Variants in ADAM18 observed in about 807,000 individuals in gnomAD.
ADAM18 encodes the protein disintegrin and metalloproteinase domain-containing protein 18.
In ADAM18, 117 loss-of-function variants were observed where a neutral mutation model predicts 94.4. That is an observed-to-expected ratio of 1.24 (90% CI 1.07 to 1.45). ADAM18 has a LOEUF of 1.45. ADAM18 is among the 40% of genes most tolerant of loss of function. The pLI is 0.00. For synonymous variants in ADAM18, 327 were observed against 291.6 expected, an observed-to-expected ratio of 1.12 and a Z score of -1.24; for missense variants, 936 against 880.0, an observed-to-expected ratio of 1.06 and a Z score of -0.81.
At chr8:39,689,496 A>T (rs1821708240) in intron 16 of ADAM18, among the ~76,000 whole-genome samples, 1 of 151,908 alleles carries the variant, frequency 6.6e-6, no homozygotes, top group Non-Finnish European at 1.5e-5. Flanking sequence ...CAAAGATTAG[A>T]TTGTAGTAAA....
intron 14 of ADAM18, among the ~76,000 whole-genome samples, chr8:39,673,019 C>T (rs1214844976): frequency 6.6e-6 from 1 of 152,048 alleles, no homozygotes; most frequent in Non-Finnish European, 1.5e-5. Context: ...TGTGCAATTC[C>T]CTCAGTGGGG....
chr8:39,704,186 AC>A (rs1386152680), intron 17 of ADAM18, among the ~76,000 whole-genome samples: 1 of 152,074 alleles, frequency 6.6e-6, no homozygotes, highest in African/African-American at 2.4e-5. Context: ...TTGGAAAGGA[AC>A]CCCTCCCTAA....
intron 2 of ADAM18, among the ~76,000 whole-genome samples, chr8:39,596,914 A>G (rs1818757684): frequency 1.3e-5 from 2 of 152,168 alleles, no homozygotes; most frequent in African/African-American, 4.8e-5. Context: ...ATTCCTTAAT[A>G]ATGTATAAGG....
intron 2 of ADAM18, among the ~76,000 whole-genome samples, chr8:39,598,197 C>T (rs1426957448): frequency 6.6e-6 from 1 of 151,962 alleles, no homozygotes; most frequent in Non-Finnish European, 1.5e-5. Flanking sequence ...TCTACATAGA[C>T]AATCTTTTCA....
intron 14 of ADAM18, among the ~76,000 whole-genome samples, chr8:39,668,896 A>G (rs886107148): frequency 1.3e-5 from 2 of 152,140 alleles, no homozygotes; most frequent in Non-Finnish European, 2.9e-5. Flanking sequence ...GTACCAAATT[A>G]CATTGTATAT....
At chr8:39,668,256 T>C (rs992912730) in intron 14 of ADAM18, 60 bp downstream of exon 14, 1 of 1,493,862 alleles carries the variant, frequency 6.7e-7, no homozygotes, top group South Asian at 1.1e-5. Flanking sequence ...GTAGAGTACA[T>C]TATGTACCAC....
At chr8:39,666,537 G>A (rs1463492013) in intron 13 of ADAM18, among the ~76,000 whole-genome samples, 1 of 152,048 alleles carries the variant, frequency 6.6e-6, no homozygotes. Context: ...GCTGATAAAG[G>A]CACACCTGAG....
At chr8:39,727,366 A>G (rs1161539005) in intron 19 of ADAM18, among the ~76,000 whole-genome samples, 1 of 152,200 alleles carries the variant, frequency 6.6e-6, no homozygotes, top group Non-Finnish European at 1.5e-5. Context: ...AAATTTTTCA[A>G]ACTGTTATGC....
Position 39,680,220 on chromosome 8 carries a change from A to G in ADAM18, c.1815A>G (p.Pro605=). 1 of 1,608,340 alleles carries G rather than the reference A, an allele frequency of 6.2e-7. No individual in the cohort carries two copies. Among genetic ancestry groups the G allele is most frequent in the Non-Finnish European group, 8.5e-7 (1 of 1,178,254 alleles). Residue 605 remains proline (P), a synonymous_variant, in exon 16 of 20, where the codon CCA becomes CCG. Transcript: ENST00000265707. ...TGGCTGATGGCACCATGTGTGGTCC[A>G]GAAATGGTAACAAAATGTGATAATT... The part of the protein sequence containing the change: ...AYVADGTMCG[P]EMYCVNKTCR...
At chr8:39,638,249 G>A (rs1258901884) in intron 9 of ADAM18, among the ~76,000 whole-genome samples, 1 of 142,392 alleles carries the variant, frequency 7.0e-6, no homozygotes, top group East Asian at 2.0e-4. Flanking sequence ...AATTACATTG[G>A]TATTAAAGTG....
At chr8:39,623,608 T>C (rs1439495818) in intron 6 of ADAM18, among the ~76,000 whole-genome samples, 1 of 152,194 alleles carries the variant, frequency 6.6e-6, no homozygotes, top group Non-Finnish European at 1.5e-5. Flanking sequence ...GTTTTTGTTT[T>C]TGTTTTGAGA....
At chr8:39,647,135 C>A (rs905813038) in intron 11 of ADAM18, among the ~76,000 whole-genome samples, 3 of 151,208 alleles carry the variant, frequency 2.0e-5, no homozygotes, top group African/African-American at 7.3e-5. Context: ...GCACCGGCAC[C>A]GGTCTCTGAG....
At chr8:39,724,072 T>C (rs1463543551) in intron 19 of ADAM18, 165 bp downstream of exon 19, 2 of 522,956 alleles carry the variant, frequency 3.8e-6, no homozygotes, top group Non-Finnish European at 5.9e-6. Context: ...TGTTATTATA[T>C]TGGGGCAAGC....
At chr8:39,668,560 G>C (rs1821058944) in intron 14 of ADAM18, among the ~76,000 whole-genome samples, 2 of 152,088 alleles carry the variant, frequency 1.3e-5, no homozygotes, top group Non-Finnish European at 1.5e-5. Flanking sequence ...AAGGCTCAGA[G>C]TGAATTTCAT....
intron 12 of ADAM18, among the ~76,000 whole-genome samples, chr8:39,661,953 A>ATG (rs1183883451): frequency 2.7e-5 from 4 of 150,064 alleles, no homozygotes; most frequent in African/African-American, 4.9e-5. Context: ...TTATATATAT[A>ATG]TAAAGGCAAC....
intron 2 of ADAM18, among the ~76,000 whole-genome samples, chr8:39,586,785 T>TATCTATC (rs1563263500): frequency 7.2e-6 from 1 of 139,014 alleles, no homozygotes; most frequent in African/African-American, 2.5e-5. Context: ...TCTATCTATC[T>TATCTATC]ATCTATCTAT....
At chr8:39,697,962 C>G (rs991087696) in intron 17 of ADAM18, among the ~76,000 whole-genome samples, 5 of 151,750 alleles carry the variant, frequency 3.3e-5, no homozygotes, top group African/African-American at 4.8e-5. Context: ...CTACTGGATT[C>G]TACTAAGGAT....
At position 39,674,638 on chromosome 8, in the gene ADAM18, G is replaced by T. The variant is rs562016606; in HGVS notation, c.1526-2793G>T. ...CCCATTTACATTTAAGGTTAATATT[G>T]TTATGTGTGAATTTGATCCTTTCAT... On this transcript the variant is annotated intron_variant, in intron 14 of 19. Transcript: ENST00000265707. Among the ~76,000 whole-genome samples the T allele has an allele frequency of 2.6e-5, 4 of 152,250 alleles. No individual in the cohort carries two copies. The South Asian group carries it at 6.2e-4, about 24-fold the overall frequency.
chr8:39,589,888 C>A (rs922537852), intron 2 of ADAM18, among the ~76,000 whole-genome samples: 1 of 150,984 alleles, frequency 6.6e-6, no homozygotes, highest in African/African-American at 2.4e-5. Flanking sequence ...CAATGAGATA[C>A]CATCTCACAC....
Sources: gnomAD v4.1 joint callset for allele counts (sites outside exome capture counted in the v4.1 genomes callset) on GRCh38, gnomAD v4.1.1 for gene constraint, MANE v1.5 for transcripts, NCBI Gene and HGNC (gene_info 2026-07-23, HGNC 2026-07-21) for gene names.